ANKRD28: variants seen among roughly 807,000 people sequenced by gnomAD.
ANKRD28 encodes ankyrin repeat domain 28, also known as serine/threonine-protein phosphatase 6 regulatory ankyrin repeat subunit A.
Under a neutral mutation model 126.5 loss-of-function variants are expected in ANKRD28, and 44 were observed. The ratio of observed to expected loss-of-function variants is 0.35; its 90% CI spans 0.27 to 0.45. The LOEUF is 0.45. ANKRD28 is among the 20% of genes least tolerant of loss of function. ANKRD28 has a pLI of 1.00. For missense variants in ANKRD28, 1,110 were observed against 1,316.6 expected, an observed-to-expected ratio of 0.84 and a Z score of 2.43; for synonymous variants, 442 against 468.5, an observed-to-expected ratio of 0.94 and a Z score of 0.73.
chr3:15,669,040 T>C lies in ANKRD28; in HGVS notation c.*1230A>G, dbSNP rs909328874. On this transcript the variant is annotated 3_prime_UTR_variant, in exon 28 of 28. Transcript: ENST00000683139. ...TCTCTCTCTTTTGCTATTTGAAAGG[T>C]AGTCTTCAATTTGGCAGGCAACTGC... The C allele has an allele frequency of 6.6e-6, 1 of 152,486 alleles. No homozygotes were observed. The highest frequency in any genetic ancestry group is 1.5e-5 in the Non-Finnish European group (1 of 68,034). 9.4% of individuals were successfully genotyped at this position (152,486 alleles called of 1,614,324 possible). A position where few individuals can be genotyped will look rare whatever the true frequency, so the allele number is the denominator to read the frequency against.
intron 2 of ANKRD28, among the ~76,000 whole-genome samples, chr3:15,793,729 T>C (rs1269340216): frequency 6.6e-6 from 1 of 152,170 alleles, no homozygotes; most frequent in Admixed American, 6.5e-5. Context: ...ACGCATACTC[T>C]TCAGTATACC....
At chr3:15,688,039 A>G (rs571498476) in intron 18 of ANKRD28, among the ~76,000 whole-genome samples, 101 of 152,334 alleles carry the variant, frequency 6.6e-4, no homozygotes, top group African/African-American at 2.4e-3. Flanking sequence ...TTTATTGAAT[A>G]GATAGGCACT....
At chr3:15,742,516 A>G (rs2057131372) in intron 4 of ANKRD28, among the ~76,000 whole-genome samples, 1 of 107,384 alleles carries the variant, frequency 9.3e-6, no homozygotes, top group Non-Finnish European at 1.9e-5. Context: ...GCCCCATATG[A>G]GAAGTGAGGA....
At chr3:15,739,082 T>C (rs146217261) in intron 4 of ANKRD28, among the ~76,000 whole-genome samples, 1,945 of 152,340 alleles carry the variant, frequency 0.013, 46 homozygotes, top group African/African-American at 0.044. Context: ...ATCGCTGTTA[T>C]CCTGTTCTTT....
chr3:15,722,448 G>A (rs780773291), intron 7 of ANKRD28, among the ~76,000 whole-genome samples: 6 of 152,160 alleles, frequency 3.9e-5, no homozygotes, highest in Non-Finnish European at 7.4e-5. Context: ...TCTATCCTAT[G>A]TGTCTCTTCC....
At chr3:15,850,196 A>AT (rs1392679111) in intron 1 of ANKRD28, among the ~76,000 whole-genome samples, 7 of 39,804 alleles carry the variant, frequency 1.8e-4, no homozygotes, top group African/African-American at 5.0e-4. Context: ...GCAATAAAAA[A>AT]AAAAAAAAAT....
In ANKRD28 at chr3:15,804,753, T is replaced by C. The variant is rs2060540679; in HGVS notation, c.28-9447A>G. The stretch of plus-strand genomic sequence containing the variant: ...GACTGCTGGTGTGGAGGTTGTTAAA[T>C]AGTTAAGTATGTTCAAAATGTCATC... On this transcript the variant is annotated intron_variant, in intron 1 of 27. Coordinates refer to the ANKRD28 transcript ENST00000399451. Among the ~76,000 whole-genome samples, 5 of 145,128 alleles carry C rather than the reference T, an allele frequency of 3.4e-5. 1 individual carries two copies.
intron 1 of ANKRD28, among the ~76,000 whole-genome samples, chr3:15,857,000 G>A (rs933811138): frequency 2.0e-5 from 3 of 152,164 alleles, no homozygotes; most frequent in Non-Finnish European, 4.4e-5. Context: ...GTCCTTACCC[G>A]TATCTTCTTC....
intron 21 of ANKRD28, chr3:15,684,254 T>C (rs966204023): frequency 6.6e-6 from 1 of 152,202 alleles, no homozygotes. Context: ...CCAAACTGCA[T>C]TTTTAACATC....
At chr3:15,783,486 A>G (rs2059629729) in intron 2 of ANKRD28, among the ~76,000 whole-genome samples, 1 of 152,024 alleles carries the variant, frequency 6.6e-6, no homozygotes, top group Admixed American at 6.6e-5. Context: ...AAGTTAAACA[A>G]GCATATTCAA....
chr3:15,853,658 A>C lies in ANKRD28; in HGVS notation c.27+5719T>G, dbSNP rs2061700502. Among the ~76,000 whole-genome samples the C allele has an allele frequency of 6.6e-6, 1 of 151,928 alleles. No individual in the cohort carries two copies. Among genetic ancestry groups the C allele is most frequent in the African/African-American group, 2.4e-5 (1 of 41,350 alleles). On this transcript the variant is annotated intron_variant, in intron 1 of 27. Transcript: ENST00000399451. This position sits in a 1 kb window ranked among gnomAD's most constrained non-coding sequence, Gnocchi z 4.2. Reference sequence around the variant, plus strand: ...CTAATTTTTTGTATTTTTAGTAGAGATGGGGTTTCACCGTGTTAGCCAGGA... The same window carrying C: ...CTAATTTTTTGTATTTTTAGTAGAGCTGGGGTTTCACCGTGTTAGCCAGGA...
intron 4 of ANKRD28, among the ~76,000 whole-genome samples, chr3:15,739,126 A>G (rs1361239749): frequency 6.6e-6 from 1 of 152,088 alleles, no homozygotes; most frequent in African/African-American, 2.4e-5. Context: ...TCGTTCAAAC[A>G]ATTTGTGCAG....
At chr3:15,707,572 A>G (rs1451359178) in intron 14 of ANKRD28, among the ~76,000 whole-genome samples, 2 of 152,194 alleles carry the variant, frequency 1.3e-5, no homozygotes, top group Non-Finnish European at 2.9e-5. Context: ...CATTACTCAT[A>G]TATCTCCTCT....
chr3:15,794,218 C>T (rs2060169914), intron 2 of ANKRD28, among the ~76,000 whole-genome samples: 1 of 151,470 alleles, frequency 6.6e-6, no homozygotes, highest in Non-Finnish European at 1.5e-5. Context: ...TTAAAATTAA[C>T]AACAGTTTTA....
At chr3:15,727,932 C>T (rs888021239) in intron 6 of ANKRD28, among the ~76,000 whole-genome samples, 2 of 152,172 alleles carry the variant, frequency 1.3e-5, no homozygotes, top group African/African-American at 2.4e-5. Flanking sequence ...GAAATGACTC[C>T]AATTTTGAAG....
intron 4 of ANKRD28, among the ~76,000 whole-genome samples, chr3:15,749,513 A>G (rs930614043): frequency 1.3e-5 from 2 of 152,148 alleles, no homozygotes; most frequent in South Asian, 2.1e-4. Flanking sequence ...CATAGACTTC[A>G]TCTTGGTTTG....
chr3:15,764,038 A>G (rs2058622300), intron 3 of ANKRD28, among the ~76,000 whole-genome samples: 1 of 152,002 alleles, frequency 6.6e-6, no homozygotes, highest in Admixed American at 6.6e-5. Flanking sequence ...AGCCTGGCCA[A>G]CATGGTGAAA....
At chr3:15,735,360 C>T (rs1321583995) in intron 6 of ANKRD28, 50 bp downstream of exon 6, 2 of 1,406,852 alleles carry the variant, frequency 1.4e-6, no homozygotes, top group Admixed American at 4.3e-5. Flanking sequence ...TTGAAATGTA[C>T]AACTTTTCTA....
intron 4 of ANKRD28, among the ~76,000 whole-genome samples, chr3:15,740,772 T>A: frequency 6.6e-6 from 1 of 152,096 alleles, no homozygotes; most frequent in African/African-American, 2.4e-5. Flanking sequence ...CAAGAACAAA[T>A]CTGGTTCACA....
Sources: gnomAD v4.1 joint callset for allele counts (sites outside exome capture counted in the v4.1 genomes callset) on GRCh38, gnomAD v4.1.1 for gene constraint, Gnocchi (gnomAD v3.1) non-coding constraint, MANE v1.5 for transcripts, NCBI Gene and HGNC (gene_info 2026-07-23, HGNC 2026-07-21) for gene names.